The following SOX6 variants were observed in gnomAD, a reference collection of about 807,000 sequenced individuals.
SOX6 encodes the protein SRY-box transcription factor 6, also known as transcription factor SOX-6.
In SOX6, 11 loss-of-function variants were observed where a neutral mutation model predicts 97.8. The ratio of observed to expected loss-of-function variants is 0.11; its 90% confidence interval spans 0.07 to 0.19. The LOEUF is 0.19. Among genes scored for constraint, SOX6 ranks in the 10% least tolerant of loss-of-function variants. SOX6 has a pLI of 1.00. For synonymous variants in SOX6, 360 were observed against 371.4 expected (o/e 0.97, Z 0.35); for missense variants, 810 against 1,039.5 (o/e 0.78, Z 3.04).
chr11:16,467,841 AC>A (rs1565155288), intron 1 of SOX6, among the ~76,000 whole-genome samples: 1 of 152,214 alleles, frequency 6.6e-6, no homozygotes, highest in Non-Finnish European at 1.5e-5. Context: ...TTAAATAACA[AC>A]AAAAAAGCCA....
chr11:16,273,535 A>C (rs1409551170), intron 3 of SOX6, among the ~76,000 whole-genome samples: 1 of 151,872 alleles, frequency 6.6e-6, no homozygotes, highest in African/African-American at 2.4e-5. Context: ...TAAAAGCTAC[A>C]TGTCACCTCA....
At chr11:16,250,109 C>G (rs1017554880) in intron 3 of SOX6, among the ~76,000 whole-genome samples, 6 of 152,100 alleles carry the variant, frequency 3.9e-5, no homozygotes, top group African/African-American at 1.4e-4. Flanking sequence ...CTTACTGGTA[C>G]CAGCATTACC....
chr11:16,082,200 G>A (rs949853150), intron 9 of SOX6, among the ~76,000 whole-genome samples: 4 of 152,090 alleles, frequency 2.6e-5, no homozygotes, highest in African/African-American at 9.7e-5. Flanking sequence ...TTAATCCACA[G>A]CTGTGTGAAT....
chr11:16,599,720 A>G (rs1848247819), intron 4 of SOX6, among the ~76,000 whole-genome samples: 1 of 152,220 alleles, frequency 6.6e-6, no homozygotes, highest in Non-Finnish European at 1.5e-5. Context: ...ATTATAAAGT[A>G]GAAATAAGTA....
intron 4 of SOX6, among the ~76,000 whole-genome samples, chr11:16,204,957 A>T (rs1041198967): frequency 7.4e-6 from 1 of 135,078 alleles, no homozygotes; most frequent in African/African-American, 2.8e-5. Flanking sequence ...TCCTCTTTTT[A>T]AAAAAAAATC....
At chr11:16,531,865 C>T (rs1469555279) in intron 4 of SOX6, among the ~76,000 whole-genome samples, 1 of 151,884 alleles carries the variant, frequency 6.6e-6, no homozygotes, top group Non-Finnish European at 1.5e-5. Context: ...CGCTTAAGGA[C>T]AAGAGTCTAT....
At chr11:16,303,502 T>C (rs1279612289) in intron 3 of SOX6, among the ~76,000 whole-genome samples, 1 of 152,252 alleles carries the variant, frequency 6.6e-6, no homozygotes, top group Non-Finnish European at 1.5e-5. Flanking sequence ...AATATCACAT[T>C]GCCTTGATTA....
At chr11:16,076,614 T>A (rs1301800647) in intron 9 of SOX6, among the ~76,000 whole-genome samples, 2 of 151,812 alleles carry the variant, frequency 1.3e-5, no homozygotes, top group Non-Finnish European at 2.9e-5. Flanking sequence ...CTGCAGGCTG[T>A]ACAGGAAGCA....
chr11:16,510,056 A>AT (rs1565167026), intron 4 of SOX6, among the ~76,000 whole-genome samples: 1 of 152,088 alleles, frequency 6.6e-6, no homozygotes, highest in Non-Finnish European at 1.5e-5. Context: ...TTTCTATATA[A>AT]TGAAGCATGT....
chr11:16,073,664 A>G (rs1302392495), intron 9 of SOX6, among the ~76,000 whole-genome samples: 1 of 152,220 alleles, frequency 6.6e-6, no homozygotes, highest in East Asian at 1.9e-4. Context: ...CATGGCAGAT[A>G]TGCTAAAATT....
chr11:16,063,212 C>A (rs1160164337), intron 9 of SOX6, among the ~76,000 whole-genome samples: 1 of 151,286 alleles, frequency 6.6e-6, no homozygotes, highest in Non-Finnish European at 1.5e-5. Context: ...AAAGATAAAT[C>A]TGTCTTCCAT....
chr11:16,496,952 A>G (rs2133137437), intron 4 of SOX6, among the ~76,000 whole-genome samples: 1 of 152,316 alleles, frequency 6.6e-6, no homozygotes, highest in African/African-American at 2.4e-5. Context: ...TCCCTGTCTG[A>G]CAGCTTTGAA....
At chr11:16,065,097 T>C (rs183715341) in intron 9 of SOX6, among the ~76,000 whole-genome samples, 16 of 152,208 alleles carry the variant, frequency 1.1e-4, no homozygotes, top group Admixed American at 7.9e-4. Context: ...ACAGATGATA[T>C]GATCTTATAT....
chr11:16,425,969 T>C (rs531296319), intron 1 of SOX6, among the ~76,000 whole-genome samples: 2 of 151,730 alleles, frequency 1.3e-5, no homozygotes, highest in African/African-American at 4.8e-5. Flanking sequence ...AAAAAAACTA[T>C]TTTAAGGCTG....
At chr11:16,666,675 T>C (rs1847809212) in intron 3 of SOX6, among the ~76,000 whole-genome samples, 1 of 152,022 alleles carries the variant, frequency 6.6e-6, no homozygotes. Flanking sequence ...CAGGTGCCTA[T>C]AATCCCAGCT....
chr11:16,203,302 A>G (rs1851987510), intron 4 of SOX6, among the ~76,000 whole-genome samples: 1 of 145,022 alleles, frequency 6.9e-6, no homozygotes, highest in Admixed American at 6.9e-5. Flanking sequence ...TGAATTAACA[A>G]ACTCATGGCA....
chr11:16,642,669 T>A (rs1254658847), intron 3 of SOX6, among the ~76,000 whole-genome samples: 1 of 152,228 alleles, frequency 6.6e-6, no homozygotes, highest in Non-Finnish European at 1.5e-5. Flanking sequence ...TCTTTTGATC[T>A]TCCATCACTG....
intron 1 of SOX6, among the ~76,000 whole-genome samples, chr11:16,351,228 T>C (rs984051139): frequency 6.6e-6 from 1 of 151,950 alleles, no homozygotes; most frequent in Non-Finnish European, 1.5e-5. Flanking sequence ...CCCAGAAGAG[T>C]ACCACTGTCA....
chr11:16,051,674 T>C (rs1847689747), intron 10 of SOX6, among the ~76,000 whole-genome samples: 1 of 152,196 alleles, frequency 6.6e-6, no homozygotes, highest in Admixed American at 6.5e-5. Context: ...TAGGGATTTA[T>C]ATGCTAGGTG....
Sources: allele counts gnomAD v4.1 joint callset (sites outside exome capture counted in the v4.1 genomes callset), GRCh38; gene constraint gnomAD v4.1.1; transcripts MANE v1.5; gene names NCBI Gene and HGNC (gene_info 2026-07-23, HGNC 2026-07-21).